PLCE1: variants seen among roughly 807,000 people sequenced by gnomAD.
PLCE1 encodes the protein 1-phosphatidylinositol 4,5-bisphosphate phosphodiesterase epsilon-1.
PLCE1 carries 119 observed loss-of-function variants against 242.8 expected under a neutral mutation model. The ratio of observed to expected loss-of-function variants is 0.49; its 90% CI spans 0.42 to 0.57. The LOEUF is 0.57. Ranked by LOEUF, PLCE1 falls within the 20% of genes least tolerant of loss-of-function variation. The pLI, the probability that PLCE1 is intolerant of heterozygous loss-of-function variation, is 0.00. For missense variants in PLCE1, 2,441 were observed against 2,788.8 expected, an observed-to-expected ratio of 0.88 and a Z score of 2.81; for synonymous variants, 945 against 1,017.4, an observed-to-expected ratio of 0.93 and a Z score of 1.35.
At chr10:94,156,276 C>G (rs988662827) in intron 3 of PLCE1, among the ~76,000 whole-genome samples, 1 of 152,172 alleles carries the variant, frequency 6.6e-6, no homozygotes, top group Non-Finnish European at 1.5e-5. Flanking sequence ...TCAGACACCA[C>G]GGGTTAAGTA....
chr10:94,017,185 G>C (rs959756968), intron 1 of PLCE1, among the ~76,000 whole-genome samples: 2 of 152,150 alleles, frequency 1.3e-5, no homozygotes, highest in Non-Finnish European at 1.5e-5. Flanking sequence ...GCTTCAGATT[G>C]TGGACTCTGA....
Position 94,270,579 on chromosome 10 carries a change from C to T in PLCE1, c.4483C>T (p.Arg1495Ter), listed in dbSNP as rs548655036. 17 of 1,610,754 alleles carry T rather than the reference C, an allele frequency of 1.1e-5. No homozygotes were observed. The highest frequency in any genetic ancestry group is 2.2e-5 in the East Asian group (1 of 44,844). ...IENHCSLPQQ[R>*]KMAEIFKTVF... ...GAACCACTGTTCATTGCCTCAGCAA[C>T]GAAAAATGGCAGAAATTTTCAAGGT... Residue 1495 changes from arginine (R) to a stop codon, truncating the protein, a stop_gained, in exon 18 of 33, where the codon CGA (arginine) becomes TGA (stop). Coordinates refer to ENST00000371380, the MANE Select transcript of PLCE1 (RefSeq NM_016341.4). LOFTEE classifies it high-confidence loss of function.
chr10:94,151,317 C>G (rs1321155151), intron 3 of PLCE1, among the ~76,000 whole-genome samples: 1 of 152,096 alleles, frequency 6.6e-6, no homozygotes, highest in East Asian at 1.9e-4. Flanking sequence ...CAAATATTCA[C>G]TTGGGTGGAA....
intron 14 of PLCE1, among the ~76,000 whole-genome samples, chr10:94,264,104 T>C (rs545242628): frequency 6.6e-6 from 1 of 152,266 alleles, no homozygotes; most frequent in South Asian, 2.1e-4. Context: ...AAAGATACGA[T>C]GTAATTTCAG....
At chr10:94,323,467 C>A (rs927072537) in intron 30 of PLCE1, among the ~76,000 whole-genome samples, 1 of 152,168 alleles carries the variant, frequency 6.6e-6, no homozygotes, top group Non-Finnish European at 1.5e-5. Flanking sequence ...TTATTTATTT[C>A]TTTTGTGTAA....
chr10:94,032,334 T>C, intron 2 of PLCE1, 82 bp downstream of exon 2: 1 of 1,274,374 alleles, frequency 7.8e-7, no homozygotes, highest in Non-Finnish European at 1.1e-6. Flanking sequence ...ATTGTCATAA[T>C]TGATGAGAAA....
chr10:94,307,279 G>C (rs2053236917), intron 26 of PLCE1, among the ~76,000 whole-genome samples: 1 of 152,232 alleles, frequency 6.6e-6, no homozygotes, highest in African/African-American at 2.4e-5. Flanking sequence ...TCGTGATTCA[G>C]TGGCCTCAGG....
Position 94,298,576 on chromosome 10 carries a change from C to G in PLCE1, c.5365C>G (p.Pro1789Ala). Residue 1789 changes from proline (P) to alanine (A), a missense_variant, in exon 24 of 33, where the codon CCT (proline) becomes GCT (alanine). Physicochemically the swap from Pro to Ala is conservative, Grantham distance 27. Coordinates refer to ENST00000371380, the MANE Select transcript of PLCE1 (RefSeq NM_016341.4). This position sits in a 1 kb window ranked among gnomAD's most constrained non-coding sequence, Gnocchi z 5.2. ...HTACQLLRTY[P>A]AATRIDSSNP... ...CGCCTGTCAGCTGCTGAGAACTTAC[C>G]CTGCTGCCACCCGCATCGACTCTTC... 6.2e-7 allele frequency: 1 copy of G among 1,614,088 alleles called. No individual in the cohort carries two copies. Among genetic ancestry groups the G allele is most frequent in the East Asian group, 2.2e-5 (1 of 44,872 alleles).
chr10:94,284,994 T>C, intron 22 of PLCE1, 29 bp downstream of exon 22: 1 of 1,211,078 alleles, frequency 8.3e-7, no homozygotes, highest in Non-Finnish European at 1.2e-6. Context: ...ATCTATAACT[T>C]TTAAAGATAT....
intron 2 of PLCE1, among the ~76,000 whole-genome samples, chr10:94,123,165 T>A (rs537821361): frequency 2.8e-4 from 43 of 152,310 alleles, no homozygotes; most frequent in African/African-American, 9.6e-4. Context: ...TGATTATTTC[T>A]TGCCGGAACC....
rs1309552948 is a variant in PLCE1 at position 94,325,055 on chromosome 10, G to A, written c.6884G>A (p.Ser2295Asn). 6.2e-7 allele frequency: 1 copy of A among 1,614,038 alleles called. No individual in the cohort carries two copies. Among genetic ancestry groups the A allele is most frequent in the Non-Finnish European group, 8.5e-7 (1 of 1,179,984 alleles). Residue 2295 changes from serine (S) to asparagine (N), a missense_variant, in exon 32 of 33, where the codon AGT becomes AAT. By Grantham distance (46) the Ser-to-Asn change is conservative (BLOSUM62 1). Transcript: ENST00000371380. The stretch of plus-strand genomic sequence containing the variant: ...AAACCTGTGGGTGGCTTGTCCTCCA[G>A]TGACACAATGGATTACCGACAGTGA... ...EEKPVGGLSS[S>N]DTMDYRQ
chr10:94,316,574 C>A lies in PLCE1; in HGVS notation c.6160C>A (p.Pro2054Thr). 6.2e-7 allele frequency: 1 copy of A among 1,608,178 alleles called. No individual in the cohort carries two copies. The highest frequency in any genetic ancestry group is 8.5e-7 in the Non-Finnish European group (1 of 1,176,018). ...QILTNEQDIK[P>T]VTTDYFLMEE... Reference sequence around the variant, plus strand: ...TCTGACAAATGAACAAGACATCAAACCTGTTACCACAGACTATTTTTTGAT... The same window carrying A: ...TCTGACAAATGAACAAGACATCAAAACTGTTACCACAGACTATTTTTTGAT... Residue 2054 changes from proline (P) to threonine (T), a missense_variant, in exon 29 of 33, where the codon CCT becomes ACT. Around this residue, in one of 5 missense-constraint regions of PLCE1, gnomAD observed 310 missense variants for 317.2 expected, o/e 0.98. Coordinates refer to ENST00000371380, the MANE Select transcript of PLCE1 (RefSeq NM_016341.4).
intron 3 of PLCE1, among the ~76,000 whole-genome samples, chr10:94,143,018 T>C (rs2047015828): frequency 6.6e-6 from 1 of 152,208 alleles, no homozygotes; most frequent in Non-Finnish European, 1.5e-5. Context: ...CAAATAAACG[T>C]GCAAATTTTA....
intron 2 of PLCE1, among the ~76,000 whole-genome samples, chr10:94,063,025 C>A (rs1348672874): frequency 2.0e-5 from 3 of 152,148 alleles, no homozygotes. Context: ...CATGTCCAAG[C>A]CTCCCTTCCT....
rs1184772641 is a variant in PLCE1, at chr10:94,047,651, T to C, written c.1206+15399T>C. ...GAGGCAAAGGGGACCAATGTATTTA[T>C]TTTTATTTGTTTTTTTGTTTATATA... On this transcript the variant is annotated intron_variant, in intron 2 of 32. Coordinates refer to ENST00000371380, the MANE Select transcript of PLCE1 (RefSeq NM_016341.4). Among the ~76,000 whole-genome samples, 5 of 152,304 alleles carry C rather than the reference T, an allele frequency of 3.3e-5. No homozygotes were observed. The East Asian group carries it at 7.7e-4, about 24-fold the overall frequency.
chr10:94,236,120 A>C lies in PLCE1; in HGVS notation c.2420A>C (p.Gln807Pro), dbSNP rs762125266. The C allele has an allele frequency of 3.7e-6, 6 of 1,612,498 alleles. No individual in the cohort carries two copies. The East Asian group carries it at 1.3e-4, about 36-fold the overall frequency. ...TCCTTGAAGGATAAAAGCCGATGGCAGTAAGTTTTACACGTTAAAAGTGAG... is the reference window on the plus strand; with the variant it reads ...TCCTTGAAGGATAAAAGCCGATGGCCGTAAGTTTTACACGTTAAAAGTGAG... ...KSSLKDKSRW[Q>P]FIIGDLLDSD... is the part of the protein sequence containing the mutation. Residue 807 changes from glutamine to proline, a missense_variant and splice_region_variant, in exon 7 of 33, where the codon CAG (glutamine) becomes CCG (proline). Around this residue, in one of 5 missense-constraint regions of PLCE1, gnomAD observed 733 missense variants for 754.2 expected, o/e 0.97. Transcript: ENST00000371380.
intron 2 of PLCE1, among the ~76,000 whole-genome samples, chr10:94,126,814 T>G (rs941810634): frequency 6.6e-6 from 1 of 152,188 alleles, no homozygotes; most frequent in African/African-American, 2.4e-5. Flanking sequence ...GAATTGAGAA[T>G]GGCCATGAAA....
chr10:94,225,213 A>T (rs1295692033), intron 4 of PLCE1: 1 of 152,198 alleles, frequency 6.6e-6, no homozygotes, highest in Admixed American at 6.5e-5. Flanking sequence ...GTTTCTATGT[A>T]GGGATAGGAA....
At chr10:94,274,357 T>C (rs537116209) in intron 19 of PLCE1, among the ~76,000 whole-genome samples, 2 of 152,328 alleles carry the variant, frequency 1.3e-5, no homozygotes, top group African/African-American at 4.8e-5. Flanking sequence ...AACATCACTT[T>C]GGAAACTAGC....
Sources: gnomAD v4.1 joint callset for allele counts (sites outside exome capture counted in the v4.1 genomes callset) on GRCh38, gnomAD v4.1.1 for gene constraint, gnomAD v4.1.1 regional missense constraint, Gnocchi (gnomAD v3.1) non-coding constraint, MANE v1.5 for transcripts, NCBI Gene and HGNC (gene_info 2026-07-23, HGNC 2026-07-21) for gene names.